Variants in LEPR observed in about 807,000 individuals in gnomAD.
LEPR encodes the protein OB receptor.
A neutral mutation model predicts 114.7 loss-of-function variants in LEPR; 56 were observed. The ratio of observed to expected loss-of-function variants is 0.49; its 90% confidence interval spans 0.39 to 0.61. The LOEUF is 0.61. Ranked by LOEUF, LEPR falls within the 20% of genes least tolerant of loss-of-function variation. The pLI, the probability that LEPR is intolerant of heterozygous loss-of-function variation, is 0.00. For missense variants in LEPR, 1,202 were observed against 1,352.9 expected, an observed-to-expected ratio of 0.89 and a Z score of 1.75; for synonymous variants, 443 against 461.4, an observed-to-expected ratio of 0.96 and a Z score of 0.51.
At position 65,547,987 on chromosome 1, in the gene LEPR, C is replaced by T. The variant is rs537128256; in HGVS notation, c.-20-17559C>T. Among the ~76,000 whole-genome samples the T allele has an allele frequency of 2.8e-4, 42 of 151,562 alleles. No individual in the cohort carries two copies. In the East Asian group the frequency reaches 7.7e-3, roughly 28 times the overall value. ...TCTACACACTGCTTTGAATGTGTCC[C>T]AGAGATTCTGGTATGTTGTGTCTTT... On this transcript the variant is annotated intron_variant, in intron 2 of 19. Transcript: ENST00000349533.
In LEPR at chr1:65,575,613, GT is replaced by G. The variant is rs200853236; in HGVS notation, c.494+3167del. Among the ~76,000 whole-genome samples the G allele has an allele frequency of 5.8e-3, 876 of 151,278 alleles. 39 individuals are homozygous for G. Among genetic ancestry groups the G allele is most frequent in the African/African-American group, 0.021 (841 of 40,750 alleles). On this transcript the variant is annotated intron_variant, in intron 5 of 19. Coordinates refer to ENST00000349533, the MANE Select transcript of LEPR (RefSeq NM_002303.6). ...TAGATTCATTTTTTAAAAATTGTCT[GT>G]TTAGAACATACTAAACAAATGATAA...
At chr1:65,527,468 G>C (rs1650053101) in intron 2 of LEPR, among the ~76,000 whole-genome samples, 1 of 152,138 alleles carries the variant, frequency 6.6e-6, no homozygotes, top group Non-Finnish European at 1.5e-5. Flanking sequence ...GAAAATGTCG[G>C]GTTGTTTTAG....
At position 65,592,837 on chromosome 1, in the gene LEPR, T is replaced by C; in HGVS notation, c.675T>C (p.Pro225=). 1 of 1,613,198 alleles carries C rather than the reference T, an allele frequency of 6.2e-7. No individual in the cohort carries two copies. Among genetic ancestry groups the C allele is most frequent in the East Asian group, 2.2e-5 (1 of 44,860 alleles). ...CTGGTGGAGTAATTTTCCAGTCACC[T>C]CTAATGTCAGTTCAGCCCATAAATA... ...ITSGGVIFQS[P]LMSVQPINMV... Residue 225 remains proline, a synonymous_variant, in exon 6 of 20, where the codon CCT becomes CCC. Coordinates refer to ENST00000349533, the MANE Select transcript of LEPR (RefSeq NM_002303.6).
intron 2 of LEPR, among the ~76,000 whole-genome samples, chr1:65,492,322 C>T (rs912458417): frequency 2.0e-5 from 3 of 151,926 alleles, no homozygotes; most frequent in East Asian, 1.9e-4. Context: ...TTTTCATTAC[C>T]GTTGTCATTA....
intron 5 of LEPR, among the ~76,000 whole-genome samples, chr1:65,589,983 T>C (rs906739730): frequency 2.4e-4 from 36 of 152,084 alleles, no homozygotes; most frequent in African/African-American, 8.4e-4. Context: ...GTGAGTAGCA[T>C]TGCATTAAAT....
intron 14 of LEPR, 114 bp downstream of exon 14, chr1:65,610,410 C>A: frequency 1.1e-6 from 1 of 896,192 alleles, no homozygotes; most frequent in Non-Finnish European, 1.7e-6. Context: ...CCTGTATTTT[C>A]ATTGCATTTA....
At chr1:65,500,614 A>G (rs909756566) in intron 2 of LEPR, among the ~76,000 whole-genome samples, 2 of 152,168 alleles carry the variant, frequency 1.3e-5, no homozygotes, top group African/African-American at 4.8e-5. Flanking sequence ...GATTTTCTGA[A>G]TAACATTTTC....
At chr1:65,465,429 A>G (rs1305448153) in intron 2 of LEPR, among the ~76,000 whole-genome samples, 4 of 152,136 alleles carry the variant, frequency 2.6e-5, no homozygotes, top group Non-Finnish European at 5.9e-5. Flanking sequence ...TTTGCTGAGG[A>G]GTGTTTTACT....
intron 2 of LEPR, among the ~76,000 whole-genome samples, chr1:65,491,349 AT>A (rs1647860573): frequency 6.6e-6 from 1 of 152,122 alleles, no homozygotes; most frequent in Non-Finnish European, 1.5e-5. Flanking sequence ...CAGAGGCCCC[AT>A]TTCCAGCTAA....
At chr1:65,505,889 TG>T (rs1648701918) in intron 2 of LEPR, among the ~76,000 whole-genome samples, 1 of 152,176 alleles carries the variant, frequency 6.6e-6, no homozygotes, top group African/African-American at 2.4e-5. Context: ...GTCAATTCTC[TG>T]GAAATGATGA....
intron 2 of LEPR, among the ~76,000 whole-genome samples, chr1:65,483,869 C>T (rs1313148450): frequency 6.6e-6 from 1 of 151,890 alleles, no homozygotes; most frequent in Admixed American, 6.6e-5. Context: ...TTGTCACTAT[C>T]TTCTTCCTTG....
intron 2 of LEPR, among the ~76,000 whole-genome samples, chr1:65,465,625 T>C (rs1483015327): frequency 6.6e-6 from 1 of 152,158 alleles, no homozygotes; most frequent in African/African-American, 2.4e-5. Flanking sequence ...GACAGTGAGG[T>C]GTTAAAGTCT....
In LEPR at chr1:65,608,691, T is replaced by A. The variant is rs778221009; in HGVS notation, c.1604-62T>A. ...ACAGATGTATGAAAATATAACACAA[T>A]GTTTTTAGGCATTATTACTATTTAA... On this transcript the variant is annotated intron_variant, in intron 11 of 19. Coordinates refer to ENST00000349533, the MANE Select transcript of LEPR (RefSeq NM_002303.6). 1.6e-5 allele frequency: 24 copies of A among 1,530,994 alleles called. No homozygotes were observed. In the Admixed American group the frequency reaches 4.5e-4, roughly 28 times the overall value. 94.8% of individuals were successfully genotyped at this position (1,530,994 alleles called of 1,614,324 possible).
At position 65,610,014 on chromosome 1, in the gene LEPR, A is replaced by C. The variant is rs777224298; in HGVS notation, c.1820A>C (p.Tyr607Ser). ...CCAGTTCCAGACTTGTGTGCAGTCT[A>C]TGCTGTTCAGGTGCGCTGTAAGAGG... ...SLPVPDLCAV[Y>S]AVQVRCKRLD... The change falls in exon 13 of 20, where the codon TAT becomes TCT. Residue 607 changes from tyrosine to serine, a missense_variant. Coordinates refer to ENST00000349533, the MANE Select transcript of LEPR (RefSeq NM_002303.6). The C allele has an allele frequency of 6.2e-7, 1 of 1,614,206 alleles. No homozygotes were observed. Among genetic ancestry groups the C allele is most frequent in the Admixed American group, 1.7e-5 (1 of 60,024 alleles).
intron 4 of LEPR, 120 bp from the exon 5 acceptor site, chr1:65,572,206 A>G: frequency 1.6e-6 from 2 of 1,277,712 alleles, no homozygotes; most frequent in Non-Finnish European, 2.1e-6. Context: ...AGGCAATGGA[A>G]GTTGTATCAG....
At chr1:65,441,538 G>A (rs1310355560) in intron 2 of LEPR, among the ~76,000 whole-genome samples, 4 of 152,196 alleles carry the variant, frequency 2.6e-5, no homozygotes, top group Non-Finnish European at 5.9e-5. Flanking sequence ...GCACAATTCC[G>A]AGAAGAAAAC....
chr1:65,494,608 T>C (rs1172484065), intron 2 of LEPR, among the ~76,000 whole-genome samples: 1 of 152,178 alleles, frequency 6.6e-6, no homozygotes, highest in Non-Finnish European at 1.5e-5. Context: ...AGGTTTACTT[T>C]ATATCATAAT....
chr1:65,532,995 T>C (rs1379736712), intron 2 of LEPR, among the ~76,000 whole-genome samples: 2 of 152,176 alleles, frequency 1.3e-5, no homozygotes, highest in Non-Finnish European at 1.5e-5. Context: ...ATATGAATAA[T>C]AGACCAATAA....
chr1:65,621,597 TA>T, intron 18 of LEPR, 139 bp downstream of exon 18: 1 of 714,708 alleles, frequency 1.4e-6, no homozygotes, highest in Non-Finnish European at 2.4e-6. Context: ...TAAGATAGCA[TA>T]AAAAGGAAAG....
Sources: allele counts gnomAD v4.1 joint callset (sites outside exome capture counted in the v4.1 genomes callset), GRCh38; gene constraint gnomAD v4.1.1; transcripts MANE v1.5; gene names NCBI Gene and HGNC (gene_info 2026-07-23, HGNC 2026-07-21).